The following MYCBP2 variants were observed in gnomAD, a reference collection of about 807,000 sequenced individuals.
The protein encoded by MYCBP2 is MYC binding protein 2, also known as E3 ubiquitin-protein ligase MYCBP2.
In MYCBP2, 120 loss-of-function variants were observed where a neutral mutation model predicts 525.3. The observed-to-expected ratio is 0.23, with a 90% CI of 0.20 to 0.27. MYCBP2 has a LOEUF of 0.27. Among genes scored for constraint, MYCBP2 ranks in the 10% least tolerant of loss-of-function variants. The probability of loss-of-function intolerance (pLI) is 1.00; values close to 1 mark genes in which losing one functional copy is unlikely to be tolerated. For missense variants in MYCBP2, 4,149 were observed against 5,657.1 expected (o/e 0.73, Z 8.55); for synonymous variants, 1,894 against 1,955.8 (o/e 0.97, Z 0.83).
intron 15 of MYCBP2, among the ~76,000 whole-genome samples, chr13:77,249,005 C>G (rs535852137): frequency 1.4e-4 from 22 of 152,260 alleles, no homozygotes; most frequent in Non-Finnish European, 2.4e-4. Flanking sequence ...TGAAATAAGC[C>G]AGTCACAAAA....
chr13:77,177,607 C>T, intron 35 of MYCBP2, 141 bp downstream of exon 35: 2 of 710,246 alleles, frequency 2.8e-6, no homozygotes, highest in South Asian at 3.6e-5. Flanking sequence ...CAGGTGTGAG[C>T]CACTGTGGCC....
chr13:77,110,761 T>TA (rs2048684461), intron 55 of MYCBP2, among the ~76,000 whole-genome samples: 1 of 151,986 alleles, frequency 6.6e-6, no homozygotes, highest in East Asian at 1.9e-4. Flanking sequence ...TTAGGGAAAA[T>TA]AGAAAGAACC....
intron 17 of MYCBP2, among the ~76,000 whole-genome samples, chr13:77,236,061 G>C (rs1380651890): frequency 6.6e-6 from 1 of 152,098 alleles, no homozygotes; most frequent in Non-Finnish European, 1.5e-5. Context: ...TGAATATTCT[G>C]GAAAGAAGGT....
chr13:77,071,669 C>T lies in MYCBP2; in HGVS notation c.11824-958G>A, dbSNP rs200139496. Among the ~76,000 whole-genome samples the T allele has an allele frequency of 3.3e-5, 5 of 152,236 alleles. No individual in the cohort carries two copies. In the East Asian group the frequency reaches 9.6e-4, roughly 29 times the overall value. On this transcript the variant is annotated intron_variant, in intron 68 of 82. Coordinates refer to ENST00000544440, the MANE Select transcript of MYCBP2 (RefSeq NM_015057.5). The stretch of plus-strand genomic sequence containing the variant: ...CAAAAAACCAAAAACCAGTAAGGCT[C>T]TTAAAGACTTGAATATTAAGGCTCT...
In MYCBP2 at chr13:77,131,509, C is replaced by CAA. The variant is rs1555353785; in HGVS notation, c.7660-4968_7660-4967insTT. On this transcript the variant is annotated intron_variant, in intron 52 of 82. Transcript: ENST00000544440. ...TCAAACACACACACACACACACACA[C>CAA]ACAAACAAACACACACACACACACA... Among the ~76,000 whole-genome samples, 128 of 56,790 alleles carry CAA rather than the reference C, an allele frequency of 2.3e-3. 1 individual carries two copies. The highest frequency in any genetic ancestry group is 4.4e-3 in the African/African-American group (118 of 26,916). The allele number at this position is 56,790 out of a possible 152,430, so 37.3% of individuals were successfully genotyped here.
chr13:77,142,483 A>G (rs1233598897), intron 49 of MYCBP2, among the ~76,000 whole-genome samples: 1 of 152,222 alleles, frequency 6.6e-6, no homozygotes, highest in East Asian at 1.9e-4. Context: ...AATTACATCA[A>G]TGTAAAGTAC....
intron 36 of MYCBP2, among the ~76,000 whole-genome samples, chr13:77,176,160 T>C (rs775478909): frequency 3.3e-5 from 5 of 152,026 alleles, no homozygotes; most frequent in Non-Finnish European, 7.4e-5. Flanking sequence ...AATGCAGGTA[T>C]TATTCTTCCC....
chr13:77,199,977 CA>C (rs2154267472), intron 26 of MYCBP2, among the ~76,000 whole-genome samples: 1 of 152,274 alleles, frequency 6.6e-6, no homozygotes, highest in East Asian at 1.9e-4. Flanking sequence ...CTCTAAAAAG[CA>C]GAGCAACTCT....
chr13:77,086,092 T>A (rs940461421), intron 62 of MYCBP2, among the ~76,000 whole-genome samples: 1 of 152,194 alleles, frequency 6.6e-6, no homozygotes, highest in Non-Finnish European at 1.5e-5. Flanking sequence ...ATAGTCAATG[T>A]TTTTTAAGAT....
At chr13:77,050,123 GC>G (rs2036470534) in intron 82 of MYCBP2, among the ~76,000 whole-genome samples, 2 of 150,970 alleles carry the variant, frequency 1.3e-5, no homozygotes, top group Non-Finnish European at 2.9e-5. Flanking sequence ...TTGTTTATTT[GC>G]CCTTTTTTAC....
chr13:77,066,056 A>C lies in MYCBP2; in HGVS notation c.12488T>G (p.Met4163Arg). 1 of 1,613,460 alleles carries C rather than the reference A, an allele frequency of 6.2e-7. No homozygotes were observed. The change falls in exon 72 of 83, where the codon ATG becomes AGG. Residue 4163 changes from methionine to arginine, a missense_variant. Coordinates refer to ENST00000544440, the MANE Select transcript of MYCBP2 (RefSeq NM_015057.5). ...YLRRGESHWW[M>R]KGSTPTQISE... ...GATCTGGGTAGGGGTTGAGCCCTTC[A>C]TCCACCAATGACTTTCACCTCGTCG...
intron 54 of MYCBP2, among the ~76,000 whole-genome samples, chr13:77,122,886 T>C (rs541839012): frequency 4.5e-4 from 68 of 152,248 alleles, no homozygotes; most frequent in African/African-American, 1.5e-3. Context: ...GGCAATACTC[T>C]TCAGCATGCA....
At chr13:77,301,186 G>A (rs530400359) in intron 1 of MYCBP2, among the ~76,000 whole-genome samples, 2 of 152,058 alleles carry the variant, frequency 1.3e-5, no homozygotes, top group East Asian at 1.9e-4. Flanking sequence ...AAGCTGAGGC[G>A]GGCAGATTAC....
intron 14 of MYCBP2, among the ~76,000 whole-genome samples, chr13:77,253,318 T>C (rs2071544734): frequency 6.6e-6 from 1 of 151,890 alleles, no homozygotes; most frequent in Admixed American, 6.6e-5. Flanking sequence ...AGACATTTAC[T>C]AGAATGTTCA....
chr13:77,174,288 G>A (rs373053395), intron 37 of MYCBP2, 23 bp downstream of exon 37: 29 of 1,608,364 alleles, frequency 1.8e-5, no homozygotes, highest in East Asian at 1.6e-4. Flanking sequence ...AAGTATTTCC[G>A]TTATCTCTAT....
intron 32 of MYCBP2, 47 bp downstream of exon 32, chr13:77,185,056 A>G (rs774258411): frequency 2.0e-6 from 3 of 1,536,330 alleles, no homozygotes; most frequent in Non-Finnish European, 2.7e-6. Flanking sequence ...GAAGAGTATT[A>G]AGCAATATAT....
chr13:77,315,419 C>T (rs985531237), intron 1 of MYCBP2, among the ~76,000 whole-genome samples: 2 of 152,090 alleles, frequency 1.3e-5, no homozygotes, highest in African/African-American at 2.4e-5. Context: ...AGCATAATAC[C>T]AGCAAATCAA....
chr13:77,183,619 T>A (rs2060453695), intron 32 of MYCBP2, among the ~76,000 whole-genome samples: 1 of 135,496 alleles, frequency 7.4e-6, no homozygotes, highest in South Asian at 2.7e-4. Flanking sequence ...TGGCACAATC[T>A]TGCCTCAATG....
In MYCBP2 at chr13:77,181,659, G is replaced by C. The variant is rs778563103; in HGVS notation, c.4941+42C>G. ...GAGGCAATAAATAAAACCATTTAGA[G>C]TTTTAGTGCCTCTGTATAAAAGATT... On this transcript the variant is annotated intron_variant, in intron 33 of 82. Transcript: ENST00000544440. 3.5e-5 allele frequency: 54 copies of C among 1,532,204 alleles called. No homozygotes were observed. In the Admixed American group the frequency reaches 9.2e-4, roughly 26 times the overall value. 94.9% of individuals were successfully genotyped at this position (1,532,204 alleles called of 1,614,324 possible).
Sources: gnomAD v4.1 joint callset for allele counts (sites outside exome capture counted in the v4.1 genomes callset) on GRCh38, gnomAD v4.1.1 for gene constraint, MANE v1.5 for transcripts, NCBI Gene and HGNC (gene_info 2026-07-23, HGNC 2026-07-21) for gene names.